Variants in RGS6 observed in about 807,000 individuals in gnomAD.
RGS6 encodes the protein regulator of G-protein signaling 6.
RGS6 carries 30 observed loss-of-function variants against 78.5 expected under a neutral mutation model. The ratio of observed to expected loss-of-function variants is 0.38; its 90% CI spans 0.29 to 0.52. The LOEUF is 0.52. Among genes scored for constraint, RGS6 ranks in the 20% least tolerant of loss-of-function variants. The pLI, the probability that RGS6 is intolerant of heterozygous loss-of-function variation, is 0.85. For missense variants in RGS6, 495 were observed against 609.7 expected, an observed-to-expected ratio of 0.81 and a Z score of 1.98; for synonymous variants, 206 against 206.0, an observed-to-expected ratio of 1.00 and a Z score of 0.00.
chr14:72,361,160 G>T (rs968825438), intron 3 of RGS6, among the ~76,000 whole-genome samples: 6 of 148,488 alleles, frequency 4.0e-5, no homozygotes, highest in African/African-American at 1.2e-4. Flanking sequence ...TACTAATACA[G>T]TGACCTTCTT....
At chr14:72,240,919 G>A (rs1361628422) in intron 2 of RGS6, among the ~76,000 whole-genome samples, 1 of 152,128 alleles carries the variant, frequency 6.6e-6, no homozygotes, top group African/African-American at 2.4e-5. Flanking sequence ...ATCACTTTGG[G>A]AGGCCGAGGC....
At chr14:72,243,037 A>C (rs1488546161) in intron 2 of RGS6, among the ~76,000 whole-genome samples, 1 of 151,238 alleles carries the variant, frequency 6.6e-6, no homozygotes, top group Non-Finnish European at 1.5e-5. Flanking sequence ...TTTTTAATAG[A>C]GTCAGGGTTT....
chr14:72,548,632 A>G (rs561426889), intron 17 of RGS6, among the ~76,000 whole-genome samples: 4 of 152,250 alleles, frequency 2.6e-5, no homozygotes, highest in South Asian at 4.1e-4. Context: ...TAACATCTAG[A>G]GACAATTGAG....
chr14:72,319,390 C>G (rs925887770), intron 2 of RGS6, among the ~76,000 whole-genome samples: 7 of 149,740 alleles, frequency 4.7e-5, no homozygotes, highest in African/African-American at 1.7e-4. Flanking sequence ...CGCCCTGTTG[C>G]CCAGGCTGGA....
chr14:72,165,152 T>G (rs1481594692), intron 2 of RGS6, among the ~76,000 whole-genome samples: 1 of 152,202 alleles, frequency 6.6e-6, no homozygotes, highest in Non-Finnish European at 1.5e-5. Context: ...GCTCTCACTT[T>G]GAATTGCTCA....
chr14:72,205,946 C>G (rs1370426023), intron 2 of RGS6, among the ~76,000 whole-genome samples: 1 of 152,176 alleles, frequency 6.6e-6, no homozygotes. Context: ...TCTAGGCAAG[C>G]AATTTTGTAC....
intron 3 of RGS6, among the ~76,000 whole-genome samples, chr14:72,360,592 T>C (rs1658264287): frequency 6.6e-6 from 1 of 150,930 alleles, no homozygotes; most frequent in Non-Finnish European, 1.5e-5. Flanking sequence ...TACAAATAAG[T>C]GGGCAGATGT....
chr14:72,456,388 C>A (rs562189815), intron 4 of RGS6, among the ~76,000 whole-genome samples: 17 of 152,348 alleles, frequency 1.1e-4, no homozygotes, highest in African/African-American at 3.8e-4. Context: ...CCTCCCTGGC[C>A]CAAGCCATCT....
intron 3 of RGS6, among the ~76,000 whole-genome samples, chr14:72,446,423 G>C (rs189720576): frequency 6.6e-6 from 1 of 152,280 alleles, no homozygotes; most frequent in East Asian, 1.9e-4. Context: ...TCTTGACGTT[G>C]AAAGCCAAAG....
intron 2 of RGS6, among the ~76,000 whole-genome samples, chr14:72,259,336 G>T (rs771229358): frequency 6.6e-6 from 1 of 152,070 alleles, no homozygotes; most frequent in Non-Finnish European, 1.5e-5. Flanking sequence ...ATGTAGCAAT[G>T]ATTTCAGGTT....
chr14:72,530,290 C>T (rs1461987163), intron 15 of RGS6, among the ~76,000 whole-genome samples: 1 of 152,180 alleles, frequency 6.6e-6, no homozygotes, highest in African/African-American at 2.4e-5. Flanking sequence ...CCAGATGACT[C>T]AGGAGCCACC....
intron 2 of RGS6, among the ~76,000 whole-genome samples, chr14:72,140,433 A>G (rs2096523876): frequency 6.6e-6 from 1 of 152,212 alleles, no homozygotes; most frequent in African/African-American, 2.4e-5. Context: ...TGGAATTGAC[A>G]CAAGATGTTA....
chr14:72,595,448 T>C, the RGS6 span, among the ~76,000 whole-genome samples: 1 of 135,358 alleles, frequency 7.4e-6, no homozygotes, highest in African/African-American at 2.9e-5. Context: ...TCCCAGCAAA[T>C]TCCTGCAACC....
intron 2 of RGS6, among the ~76,000 whole-genome samples, chr14:72,085,003 G>A (rs142151747): frequency 2.2e-4 from 33 of 152,272 alleles, no homozygotes; most frequent in South Asian, 8.3e-4. Flanking sequence ...AATCTGCTAC[G>A]TAAGAAGACA....
At chr14:72,434,981 A>G (rs926136471) in intron 3 of RGS6, among the ~76,000 whole-genome samples, 2 of 152,182 alleles carry the variant, frequency 1.3e-5, no homozygotes, top group Non-Finnish European at 1.5e-5. Context: ...TTAGAGACCA[A>G]AAGTCTGACT....
chr14:72,548,380 T>G (rs1157136478), intron 17 of RGS6, among the ~76,000 whole-genome samples: 2 of 151,684 alleles, frequency 1.3e-5, no homozygotes, highest in Non-Finnish European at 2.9e-5. Flanking sequence ...TGTTTTAAAT[T>G]CAGTTTCCCA....
chr14:72,538,615 C>T (rs764954668), intron 16 of RGS6, among the ~76,000 whole-genome samples: 1 of 152,216 alleles, frequency 6.6e-6, no homozygotes, highest in Non-Finnish European at 1.5e-5. Context: ...CCAGGACTGG[C>T]CTGACTTGAG....
chr14:71,877,547 C>A, the RGS6 span, among the ~76,000 whole-genome samples: 1 of 152,188 alleles, frequency 6.6e-6, no homozygotes. Flanking sequence ...AAGGTCTTCT[C>A]TACACTGTTT....
At chr14:72,275,933 A>G (rs1204284001) in intron 2 of RGS6, among the ~76,000 whole-genome samples, 1 of 152,176 alleles carries the variant, frequency 6.6e-6, no homozygotes, top group Non-Finnish European at 1.5e-5. Flanking sequence ...GCACAAGGGG[A>G]AAACTTCTCT....
Sources: allele counts gnomAD v4.1 joint callset (sites outside exome capture counted in the v4.1 genomes callset), GRCh38; gene constraint gnomAD v4.1.1; transcripts MANE v1.5; gene names NCBI Gene and HGNC (gene_info 2026-07-23, HGNC 2026-07-21).